SEC63: variants seen among roughly 807,000 people sequenced by gnomAD.
SEC63 encodes the protein SEC63 protein translocation regulator, also known as translocation protein SEC63 homolog.
A neutral mutation model predicts 116.2 loss-of-function variants in SEC63; 56 were observed. The ratio of observed to expected loss-of-function variants is 0.48; its 90% CI spans 0.39 to 0.60. SEC63 has a LOEUF of 0.60. Ranked by LOEUF, SEC63 falls within the 20% of genes least tolerant of loss-of-function variation. The probability of loss-of-function intolerance (pLI) is 0.00; values close to 1 mark genes in which losing one functional copy is unlikely to be tolerated. For missense variants in SEC63, 668 were observed against 900.0 expected (o/e 0.74, Z 3.30); for synonymous variants, 273 against 294.6 (o/e 0.93, Z 0.75).
intron 16 of SEC63, among the ~76,000 whole-genome samples, chr6:107,886,907 T>G (rs1390462218): frequency 1.3e-5 from 2 of 151,972 alleles, no homozygotes; most frequent in Non-Finnish European, 2.9e-5. Context: ...ATCTGTCTAT[T>G]TTGGCTTTTG....
At chr6:107,916,635 A>T (rs1024140656) in intron 4 of SEC63, among the ~76,000 whole-genome samples, 1 of 152,240 alleles carries the variant, frequency 6.6e-6, no homozygotes, top group Non-Finnish European at 1.5e-5. Flanking sequence ...TTTTTCCAAC[A>T]GCATGTGCTC....
At chr6:107,916,785 G>A (rs1198188363) in intron 4 of SEC63, among the ~76,000 whole-genome samples, 1 of 152,156 alleles carries the variant, frequency 6.6e-6, no homozygotes, top group Non-Finnish European at 1.5e-5. Flanking sequence ...TGCACCTGCA[G>A]AAGAAAAAGA....
At chr6:107,886,617 G>A (rs531487470) in intron 16 of SEC63, among the ~76,000 whole-genome samples, 1 of 152,282 alleles carries the variant, frequency 6.6e-6, no homozygotes, top group South Asian at 2.1e-4. Context: ...GTGATGATGA[G>A]CTTTTCTTCA....
intron 19 of SEC63, among the ~76,000 whole-genome samples, chr6:107,874,284 G>A (rs1484927959): frequency 6.6e-6 from 1 of 151,856 alleles, no homozygotes; most frequent in Non-Finnish European, 1.5e-5. Flanking sequence ...AAATGTCAGC[G>A]GCATGCAAAG....
chr6:107,893,168 T>C (rs1232179034), intron 16 of SEC63, among the ~76,000 whole-genome samples: 1 of 148,304 alleles, frequency 6.7e-6, no homozygotes, highest in African/African-American at 2.5e-5. Flanking sequence ...AATGAACTAC[T>C]GCTACAAACA....
At position 107,868,794 on chromosome 6, in the gene SEC63, G is replaced by C. The variant is rs1055331814; in HGVS notation, c.*2910C>G. 3.3e-5 allele frequency: 5 copies of C among 151,954 alleles called. No individual in the cohort carries two copies. The highest frequency in any genetic ancestry group is 1.2e-4 in the African/African-American group (5 of 41,352). The allele number at this position is 151,954 out of a possible 1,614,324, so 9.4% of individuals were successfully genotyped here. A position where few individuals can be genotyped will look rare whatever the true frequency, so the allele number is the denominator to read the frequency against. ...TAACACTATTTTTTTCATTTTGATA[G>C]CTCCAGTATCCAGTCACAGAGCCTG... On this transcript the variant is annotated 3_prime_UTR_variant, in exon 21 of 21. Coordinates refer to ENST00000369002, the MANE Select transcript of SEC63 (RefSeq NM_007214.5).
intron 1 of SEC63, among the ~76,000 whole-genome samples, chr6:107,955,789 G>A (rs1397512414): frequency 6.6e-6 from 1 of 152,038 alleles, no homozygotes; most frequent in African/African-American, 2.4e-5. Flanking sequence ...GGGAAGCTGT[G>A]GCAGAACTGC....
At chr6:107,885,647 T>C (rs1414066212) in intron 16 of SEC63, among the ~76,000 whole-genome samples, 2 of 152,194 alleles carry the variant, frequency 1.3e-5, no homozygotes. Flanking sequence ...ATTGTTAAGC[T>C]TATTCTAAAA....
chr6:107,924,935 GT>G lies in SEC63; in HGVS notation c.225-4del. On this transcript the variant is annotated splice_region_variant and splice_polypyrimidine_tract_variant and intron_variant, in intron 2 of 20. Transcript: ENST00000369002. ...ATCCTGCAAGCAGAACTATTTTCCT[GT>G]TTAGGAAAAAGGTAAGTGAATCATA... 2 of 1,526,412 alleles carry G rather than the reference GT, an allele frequency of 1.3e-6. No individual in the cohort carries two copies. Among genetic ancestry groups the G allele is most frequent in the Non-Finnish European group, 1.8e-6 (2 of 1,100,688 alleles). 94.6% of individuals were successfully genotyped at this position (1,526,412 alleles called of 1,614,324 possible).
Position 107,930,615 on chromosome 6 carries a change from C to CA in SEC63, c.125-1102dup, listed in dbSNP as rs954770153. 3.9e-3 allele frequency among the ~76,000 whole-genome samples: 538 copies of CA among 139,156 alleles called. 4 individuals carry two copies. Among genetic ancestry groups the CA allele is most frequent in the African/African-American group, 0.012 (450 of 37,946 alleles). 91.3% of individuals were successfully genotyped at this position (139,156 alleles called of 152,430 possible). On this transcript the variant is annotated intron_variant, in intron 1 of 20. Transcript: ENST00000369002. ...AGAGTGAAACTCTGTCTCAAACAAA[C>CA]AAAAAAAAAAAGTAGAGTAAAATTC...
intron 2 of SEC63, among the ~76,000 whole-genome samples, chr6:107,925,794 T>A (rs1210714786): frequency 2.0e-5 from 3 of 152,224 alleles, no homozygotes; most frequent in African/African-American, 7.2e-5. Flanking sequence ...CGGTCACAGA[T>A]GTAAATAAGA....
chr6:107,943,932 G>C (rs1415011708), intron 1 of SEC63, among the ~76,000 whole-genome samples: 1 of 152,172 alleles, frequency 6.6e-6, no homozygotes, highest in African/African-American at 2.4e-5. Flanking sequence ...TGTTATAAAG[G>C]ATCCTTGCTA....
At chr6:107,879,998 C>T (rs570808636) in intron 18 of SEC63, among the ~76,000 whole-genome samples, 1 of 152,266 alleles carries the variant, frequency 6.6e-6, no homozygotes, top group East Asian at 1.9e-4. Context: ...GCTTTGAGCA[C>T]CCCATGGCAC....
chr6:107,938,908 A>AAAATGT lies in SEC63; in HGVS notation c.125-9395_125-9394insACATTT, dbSNP rs559599748. Among the ~76,000 whole-genome samples, 13 of 152,240 alleles carry AAAATGT rather than the reference A, an allele frequency of 8.5e-5. No homozygotes were observed. In the South Asian group the frequency reaches 2.7e-3, roughly 32 times the overall value. On this transcript the variant is annotated intron_variant, in intron 1 of 20. Transcript: ENST00000369002. The stretch of plus-strand genomic sequence containing the variant: ...ATACCGAAATATGCTTCTTAAAATT[A>AAAATGT]TTTTTTTAATTCCCTGTGACTATAA...
chr6:107,899,390 A>C (rs879715369), intron 13 of SEC63, among the ~76,000 whole-genome samples: 4 of 152,206 alleles, frequency 2.6e-5, no homozygotes, highest in Non-Finnish European at 5.9e-5. Flanking sequence ...TTTCTATAAG[A>C]AAATCTCTTC....
At chr6:107,918,728 A>G (rs572827743) in intron 4 of SEC63, among the ~76,000 whole-genome samples, 1 of 151,396 alleles carries the variant, frequency 6.6e-6, no homozygotes, top group Non-Finnish European at 1.5e-5. Flanking sequence ...GAAGACATAC[A>G]CTTTGTAAAG....
chr6:107,895,408 C>A (rs1325521035), intron 14 of SEC63, among the ~76,000 whole-genome samples: 18 of 152,100 alleles, frequency 1.2e-4, no homozygotes, highest in African/African-American at 2.4e-5. Context: ...ATATATCCTA[C>A]TACAAAACAT....
At chr6:107,873,292 C>A (rs1001630594) in intron 19 of SEC63, among the ~76,000 whole-genome samples, 2 of 152,088 alleles carry the variant, frequency 1.3e-5, no homozygotes, top group Non-Finnish European at 2.9e-5. Flanking sequence ...GGAGATACTT[C>A]CTGCCAAATT....
chr6:107,898,811 T>G (rs1410334248), intron 13 of SEC63, among the ~76,000 whole-genome samples: 3 of 152,220 alleles, frequency 2.0e-5, no homozygotes, highest in Non-Finnish European at 4.4e-5. Context: ...CTTACATGTT[T>G]TTACCTACAG....
Sources: gnomAD v4.1 joint callset for allele counts (sites outside exome capture counted in the v4.1 genomes callset) on GRCh38, gnomAD v4.1.1 for gene constraint, MANE v1.5 for transcripts, NCBI Gene and HGNC (gene_info 2026-07-23, HGNC 2026-07-21) for gene names.